ABI3BP: variants seen among roughly 807,000 people sequenced by gnomAD.
ABI3BP encodes the protein target of Nesh-SH3.
Under a neutral mutation model 268.6 loss-of-function variants are expected in ABI3BP, and 216 were observed. That is an observed-to-expected ratio of 0.80 (90% confidence interval 0.72 to 0.90). ABI3BP has a LOEUF of 0.90. Ranked by LOEUF, ABI3BP falls within the 40% of genes least tolerant of loss-of-function variation. The pLI is 0.00. For synonymous variants in ABI3BP, 730 were observed against 730.0 expected, an observed-to-expected ratio of 1.00 and a Z score of 0.00; for missense variants, 2,090 against 2,182.4, an observed-to-expected ratio of 0.96 and a Z score of 0.84.
intron 6 of ABI3BP, among the ~76,000 whole-genome samples, chr3:100,884,958 A>G (rs2041226709): frequency 6.8e-6 from 1 of 147,346 alleles, no homozygotes; most frequent in African/African-American, 2.5e-5. Flanking sequence ...CTGAGAATAG[A>G]TTTTGAAAAG....
At position 100,752,628 on chromosome 3, in the gene ABI3BP, A is replaced by C. The variant is rs548954425; in HGVS notation, c.5122+159T>G. ...AGCATGTCTTAAATCCTTGCTTTCT[A>C]GGAATGATAACTGTTTCCGTAACAT... On this transcript the variant is annotated intron_variant, in intron 66 of 67. Coordinates refer to ENST00000471714, the MANE Select transcript of ABI3BP (RefSeq NM_001375547.2). 5.9e-6 allele frequency: 4 copies of C among 679,216 alleles called. No individual in the cohort carries two copies. In the South Asian group the frequency reaches 9.5e-5, roughly 16 times the overall value. 42.1% of individuals were successfully genotyped at this position (679,216 alleles called of 1,614,324 possible).
At chr3:100,794,850 T>A in intron 54 of ABI3BP, 73 bp downstream of exon 54, 1 of 1,067,200 alleles carries the variant, frequency 9.4e-7, no homozygotes, top group Non-Finnish European at 1.4e-6. Flanking sequence ...GTGAACATAA[T>A]GTATTATGGT....
At position 100,750,447 on chromosome 3, in the gene ABI3BP, A is replaced by G. The variant is rs770763373; in HGVS notation, c.*48T>C. 10 of 1,431,474 alleles carry G rather than the reference A, an allele frequency of 7.0e-6. No individual in the cohort carries two copies. The highest frequency in any genetic ancestry group is 2.3e-5 in the East Asian group (1 of 43,600). 88.7% of individuals were successfully genotyped at this position (1,431,474 alleles called of 1,614,324 possible). On this transcript the variant is annotated 3_prime_UTR_variant, in exon 68 of 68. Transcript: ENST00000471714. Reference sequence around the variant, plus strand: ...AAATGAATGCGGCATAGTATTTTCAATGATTTTTGTTTGCAATGATGAAAC... The same window carrying G: ...AAATGAATGCGGCATAGTATTTTCAGTGATTTTTGTTTGCAATGATGAAAC...
At chr3:100,757,873 G>A (rs888403138) in intron 63 of ABI3BP, among the ~76,000 whole-genome samples, 2 of 152,126 alleles carry the variant, frequency 1.3e-5, no homozygotes, top group African/African-American at 4.8e-5. Flanking sequence ...TAGCAACAGG[G>A]AGGAGATGCT....
intron 63 of ABI3BP, among the ~76,000 whole-genome samples, chr3:100,763,434 G>C (rs957252195): frequency 1.3e-5 from 2 of 150,646 alleles, no homozygotes; most frequent in Non-Finnish European, 3.0e-5. Flanking sequence ...TTGTGCTCCA[G>C]CCTGGGTGAC....
Position 100,817,497 on chromosome 3 carries a change from T to A in ABI3BP, c.3089-2A>T. The A allele has an allele frequency of 6.8e-7, 1 of 1,467,766 alleles. No homozygotes were observed. Among genetic ancestry groups the A allele is most frequent in the Non-Finnish European group, 9.0e-7 (1 of 1,105,456 alleles). 90.9% of individuals were successfully genotyped at this position (1,467,766 alleles called of 1,614,324 possible). A position where few individuals can be genotyped will look rare whatever the true frequency, so the allele number is the denominator to read the frequency against. Reference sequence around the variant, plus strand: ...CAGGTTCAAGGACTGTAGTAACAACTAGACAAAAATAATAAAATAAAGCAA... The same window carrying A: ...CAGGTTCAAGGACTGTAGTAACAACAAGACAAAAATAATAAAATAAAGCAA... On this transcript the variant is annotated splice_acceptor_variant, in intron 41 of 67. Transcript: ENST00000471714. LOFTEE classifies it high-confidence loss of function.
At position 100,774,643 on chromosome 3, in the gene ABI3BP, G is replaced by A; in HGVS notation, c.4493C>T (p.Thr1498Ile). ...ENITDFSSSP[T>I]RETDPLGKPR... The stretch of plus-strand genomic sequence containing the variant: ...CTTCCCAAGAGGATCAGTTTCTCTT[G>A]TTGGGCTTGAGCTAAAGTCAGTTAT... Residue 1498 changes from threonine to isoleucine, a missense_variant, in exon 61 of 68, where the codon ACA (threonine) becomes ATA (isoleucine). Physicochemically the swap from Thr to Ile is moderately conservative, Grantham distance 89 (BLOSUM62 -1). Coordinates refer to ENST00000471714, the MANE Select transcript of ABI3BP (RefSeq NM_001375547.2). 6.3e-7 allele frequency: 1 copy of A among 1,586,040 alleles called. No individual in the cohort carries two copies. Among genetic ancestry groups the A allele is most frequent in the South Asian group, 1.2e-5 (1 of 86,134 alleles).
At position 100,838,390 on chromosome 3, in the gene ABI3BP, A is replaced by C; in HGVS notation, c.2008+12T>G. The stretch of plus-strand genomic sequence containing the variant: ...CCTATTTATAGATCAAGGCATTGAA[A>C]GTAATGATTACCAGGCTGAATTTGA... On this transcript the variant is annotated intron_variant, in intron 25 of 67. Coordinates refer to ENST00000471714, the MANE Select transcript of ABI3BP (RefSeq NM_001375547.2). 1 of 1,535,302 alleles carries C rather than the reference A, an allele frequency of 6.5e-7. No individual in the cohort carries two copies. The highest frequency in any genetic ancestry group is 8.7e-7 in the Non-Finnish European group (1 of 1,146,188).
In ABI3BP at chr3:100,839,599, T is replaced by C; in HGVS notation, c.1915A>G (p.Ile639Val). ...GTGGGCACCAAGGGCTCCGGTTGTATCGTGGCAGGTTCCAGAGCTACAGAA... is the reference window on the plus strand; with the variant it reads ...GTGGGCACCAAGGGCTCCGGTTGTACCGTGGCAGGTTCCAGAGCTACAGAA... ...KSKPALEPAT[I>V]QPEPLVPTTA... Residue 639 changes from isoleucine (I) to valine (V), a missense_variant, in exon 24 of 68, where the codon ATA becomes GTA. Coordinates refer to ENST00000471714, the MANE Select transcript of ABI3BP (RefSeq NM_001375547.2). 3.3e-6 allele frequency: 5 copies of C among 1,535,836 alleles called. No individual in the cohort carries two copies. Among genetic ancestry groups the C allele is most frequent in the Non-Finnish European group, 3.5e-6 (4 of 1,146,666 alleles).
At chr3:100,913,409 G>A (rs1478273742) in intron 2 of ABI3BP, among the ~76,000 whole-genome samples, 1 of 152,154 alleles carries the variant, frequency 6.6e-6, no homozygotes, top group Non-Finnish European at 1.5e-5. Context: ...GAAAAGGCCA[G>A]AACAGCAGCA....
intron 1 of ABI3BP, among the ~76,000 whole-genome samples, chr3:100,979,214 G>A (rs1167799365): frequency 6.6e-6 from 1 of 152,224 alleles, no homozygotes; most frequent in African/African-American, 2.4e-5. Flanking sequence ...TATACTGAGA[G>A]TGAGAGTCAT....
chr3:100,904,126 C>T (rs1372792371), intron 2 of ABI3BP, among the ~76,000 whole-genome samples: 1 of 152,154 alleles, frequency 6.6e-6, no homozygotes, highest in Non-Finnish European at 1.5e-5. Flanking sequence ...TATTGAGAAC[C>T]TTATATTCAT....
At chr3:100,968,667 A>G (rs923852553) in intron 1 of ABI3BP, among the ~76,000 whole-genome samples, 2 of 152,038 alleles carry the variant, frequency 1.3e-5, no homozygotes, top group Non-Finnish European at 2.9e-5. Context: ...TATGTTGTTG[A>G]TTTTTTAGTG....
intron 1 of ABI3BP, among the ~76,000 whole-genome samples, chr3:100,928,978 A>G (rs1475556619): frequency 6.6e-6 from 1 of 152,004 alleles, no homozygotes; most frequent in African/African-American, 2.4e-5. Flanking sequence ...GATTTTGTCA[A>G]TTTTTTCCCT....
intron 4 of ABI3BP, among the ~76,000 whole-genome samples, chr3:100,891,771 G>T (rs935845490): frequency 1.3e-5 from 2 of 152,202 alleles, no homozygotes; most frequent in African/African-American, 4.8e-5. Flanking sequence ...TCACTTATAT[G>T]TTGAGAACTA....
intron 18 of ABI3BP, among the ~76,000 whole-genome samples, chr3:100,848,214 A>G (rs947702984): frequency 6.6e-6 from 1 of 151,868 alleles, no homozygotes; most frequent in African/African-American, 2.4e-5. Context: ...AACTGAAAAC[A>G]GAGTAGGTAC....
intron 20 of ABI3BP, 60 bp from the exon 21 acceptor site, chr3:100,842,099 T>C (rs989343211): frequency 2.2e-6 from 3 of 1,363,024 alleles, no homozygotes; most frequent in Non-Finnish European, 1.0e-6. Flanking sequence ...GAGATAGAAG[T>C]GACATGTTCT....
At chr3:100,972,236 AAT>A (rs1343605409) in intron 1 of ABI3BP, among the ~76,000 whole-genome samples, 3 of 152,226 alleles carry the variant, frequency 2.0e-5, no homozygotes, top group African/African-American at 7.2e-5. Flanking sequence ...GTGCTTTTTA[AAT>A]TAAAAAGCAA....
At chr3:100,992,225 G>T (rs766302686) in intron 1 of ABI3BP, among the ~76,000 whole-genome samples, 5 of 152,016 alleles carry the variant, frequency 3.3e-5, no homozygotes, top group Non-Finnish European at 5.9e-5. Flanking sequence ...CTAGCCAACC[G>T]CTTCAGCCTT....
Sources: gnomAD v4.1 joint callset for allele counts (sites outside exome capture counted in the v4.1 genomes callset) on GRCh38, gnomAD v4.1.1 for gene constraint, MANE v1.5 for transcripts, NCBI Gene and HGNC (gene_info 2026-07-23, HGNC 2026-07-21) for gene names.